ZNF679: variants seen among roughly 807,000 people sequenced by gnomAD.
ZNF679 encodes the protein hypothetical protein MGC42415.
A neutral mutation model predicts 13.4 loss-of-function variants in ZNF679; 10 were observed. The ratio of observed to expected loss-of-function variants is 0.75; its 90% CI spans 0.46 to 1.27. The LOEUF is 1.27. Ranked by LOEUF, ZNF679 falls within the 50% of genes most tolerant of loss-of-function variation. The pLI is 0.00. For missense variants in ZNF679, 525 were observed against 477.8 expected (o/e 1.10, Z -0.92); for synonymous variants, 179 against 162.5 (o/e 1.10, Z -0.77).
At position 64,228,613 on chromosome 7, in the gene ZNF679, A is replaced by G. The variant is rs1180763206; in HGVS notation, c.-130A>G. 1.3e-5 allele frequency: 2 copies of G among 152,288 alleles called. No homozygotes were observed. The highest frequency in any genetic ancestry group is 4.8e-5 in the African/African-American group (2 of 41,566). 9.4% of individuals were successfully genotyped at this position (152,288 alleles called of 1,614,324 possible). ...GACCAGGAATAAATTTCACAATTCT[A>G]CGTATTTCCCAGCTTTAGGTCTGAG... On this transcript the variant is annotated 5_prime_UTR_variant, in exon 1 of 5. Coordinates refer to ENST00000421025, the MANE Select transcript of ZNF679 (RefSeq NM_153363.3).
chr7:64,255,756 A>G (rs1787997211), intron 2 of ZNF679, among the ~76,000 whole-genome samples: 1 of 151,828 alleles, frequency 6.6e-6, no homozygotes, highest in Non-Finnish European at 1.5e-5. Flanking sequence ...TTATAGGTGC[A>G]TGCCACCACA....
At chr7:64,264,473 A>G (rs1788118718) in intron 4 of ZNF679, among the ~76,000 whole-genome samples, 1 of 152,098 alleles carries the variant, frequency 6.6e-6, no homozygotes, top group Admixed American at 6.6e-5. Flanking sequence ...AGAAAGTTAT[A>G]TATTTTCATA....
intron 1 of ZNF679, among the ~76,000 whole-genome samples, chr7:64,245,645 G>A (rs1402754314): frequency 1.3e-5 from 2 of 152,128 alleles, no homozygotes; most frequent in Non-Finnish European, 2.9e-5. Context: ...AGCTCCCCTT[G>A]TTCCATGATC....
intron 1 of ZNF679, among the ~76,000 whole-genome samples, chr7:64,233,249 TAAAC>T (rs1319457501): frequency 1.8e-5 from 1 of 54,820 alleles, no homozygotes; most frequent in Non-Finnish European, 4.1e-5. Flanking sequence ...TCAAAACAAA[TAAAC>T]AAAAAAAAAA....
intron 1 of ZNF679, among the ~76,000 whole-genome samples, chr7:64,241,784 T>G (rs1331321320): frequency 6.6e-6 from 1 of 152,222 alleles, no homozygotes; most frequent in Non-Finnish European, 1.5e-5. Context: ...TAATTTCTCC[T>G]GAGGACAGGG....
chr7:64,235,776 C>A (rs187519735), intron 1 of ZNF679, among the ~76,000 whole-genome samples: 2 of 134,114 alleles, frequency 1.5e-5, no homozygotes, highest in African/African-American at 2.9e-5. Context: ...GCGACAAGAG[C>A]GAAACCCCGT....
At chr7:64,231,780 G>A (rs898166525) in intron 1 of ZNF679, among the ~76,000 whole-genome samples, 1 of 152,064 alleles carries the variant, frequency 6.6e-6, no homozygotes, top group Non-Finnish European at 1.5e-5. Context: ...TGTAGCCCAA[G>A]TATATGTCAC....
At chr7:64,263,888 A>G (rs942103332) in intron 4 of ZNF679, among the ~76,000 whole-genome samples, 6 of 152,154 alleles carry the variant, frequency 3.9e-5, no homozygotes, top group Admixed American at 3.9e-4. Flanking sequence ...TTCATACACT[A>G]TATAATGTTT....
chr7:64,234,686 A>G (rs1187809239), intron 1 of ZNF679, among the ~76,000 whole-genome samples: 1 of 152,202 alleles, frequency 6.6e-6, no homozygotes, highest in African/African-American at 2.4e-5. Context: ...ACCCTGAACC[A>G]TAAGTTCTAC....
At chr7:64,249,186 G>A in intron 2 of ZNF679, 30 bp downstream of exon 2, 2 of 1,614,068 alleles carry the variant, frequency 1.2e-6, no homozygotes, top group Non-Finnish European at 1.7e-6. Context: ...CCGTGAGAGA[G>A]GGGTGAGGGC....
rs1421692556 is a variant in ZNF679, at chr7:64,245,444, G to GGGA, written c.-90-3583_-90-3582insGAG. The stretch of plus-strand genomic sequence containing the variant: ...GAAAGAGAGAGAGAGAGAGAGAGAG[G>GGGA]GAGAGAGAGAGAGAGAGGGAGAGAG... On this transcript the variant is annotated intron_variant, in intron 1 of 4. Coordinates refer to ENST00000421025, the MANE Select transcript of ZNF679 (RefSeq NM_153363.3). Among the ~76,000 whole-genome samples, 482 of 113,608 alleles carry GGGA rather than the reference G, an allele frequency of 4.2e-3. 4 individuals are homozygous for GGGA. Among genetic ancestry groups the GGGA allele is most frequent in the Middle Eastern group, 9.8e-3 (2 of 204 alleles). The allele number at this position is 113,608 out of a possible 152,430, so 74.5% of individuals were successfully genotyped here.
chr7:64,259,031 C>G (rs1788041650), intron 2 of ZNF679, among the ~76,000 whole-genome samples: 2 of 152,138 alleles, frequency 1.3e-5, no homozygotes, highest in East Asian at 3.9e-4. Context: ...CCTGCCTCAG[C>G]CTCTCTAGTA....
intron 1 of ZNF679, among the ~76,000 whole-genome samples, chr7:64,237,585 G>A (rs773665159): frequency 4.6e-5 from 7 of 152,084 alleles, no homozygotes; most frequent in Non-Finnish European, 1.0e-4. Flanking sequence ...CCAAACACAC[G>A]GCATTTGCTG....
chr7:64,248,284 C>A (rs886286959), intron 1 of ZNF679, among the ~76,000 whole-genome samples: 4 of 150,246 alleles, frequency 2.7e-5, no homozygotes, highest in African/African-American at 1.0e-4. Flanking sequence ...GTGGCAAATA[C>A]AATTTTTTTT....
At chr7:64,264,297 A>AT (rs1788114838) in intron 4 of ZNF679, among the ~76,000 whole-genome samples, 1 of 151,918 alleles carries the variant, frequency 6.6e-6, no homozygotes, top group African/African-American at 2.4e-5. Context: ...TGTCCTCATT[A>AT]TATCTACCCT....
At chr7:64,242,696 G>C (rs1265226686) in intron 1 of ZNF679, among the ~76,000 whole-genome samples, 3 of 152,048 alleles carry the variant, frequency 2.0e-5, no homozygotes. Context: ...TGTTGTGCTG[G>C]GCCCTACTAT....
intron 1 of ZNF679, among the ~76,000 whole-genome samples, chr7:64,246,761 AGGAAGGAAGGAG>A (rs1351760924): frequency 6.6e-6 from 1 of 151,114 alleles, no homozygotes; most frequent in Non-Finnish European, 1.5e-5. Context: ...AGAGAAAGAA[AGGAAGGAAGGAG>A]GGAAGGAAGG....
At chr7:64,243,985 C>T (rs1332675916) in intron 1 of ZNF679, among the ~76,000 whole-genome samples, 4 of 152,146 alleles carry the variant, frequency 2.6e-5, no homozygotes, top group Non-Finnish European at 5.9e-5. Context: ...GACACGGTGG[C>T]TCAAGTCTGT....
At chr7:64,245,646 T>C (rs1787859461) in intron 1 of ZNF679, among the ~76,000 whole-genome samples, 1 of 152,182 alleles carries the variant, frequency 6.6e-6, no homozygotes, top group South Asian at 2.1e-4. Context: ...GCTCCCCTTG[T>C]TCCATGATCC....
Sources: gnomAD v4.1 joint callset for allele counts (sites outside exome capture counted in the v4.1 genomes callset) on GRCh38, gnomAD v4.1.1 for gene constraint, MANE v1.5 for transcripts, NCBI Gene and HGNC (gene_info 2026-07-23, HGNC 2026-07-21) for gene names.